Variants in SRGAP3 observed in about 807,000 individuals in gnomAD.
The protein encoded by SRGAP3 is SLIT-ROBO Rho GTPase activating protein 3, also known as SLIT-ROBO Rho GTPase-activating protein 3.
Under a neutral mutation model 121.1 loss-of-function variants are expected in SRGAP3, and 39 were observed. The observed-to-expected ratio is 0.32, with a 90% confidence interval of 0.25 to 0.42. The LOEUF is 0.42. SRGAP3 is among the 10% of genes least tolerant of loss of function. The probability of loss-of-function intolerance (pLI) is 1.00; values close to 1 mark genes in which losing one functional copy is unlikely to be tolerated. For synonymous variants in SRGAP3, 601 were observed against 570.0 expected, an observed-to-expected ratio of 1.05 and a Z score of -0.77; for missense variants, 1,213 against 1,470.6, an observed-to-expected ratio of 0.82 and a Z score of 2.86.
At chr3:9,038,736 A>G (rs1944887907) in intron 10 of SRGAP3, among the ~76,000 whole-genome samples, 3 of 152,166 alleles carry the variant, frequency 2.0e-5, no homozygotes, top group African/African-American at 7.2e-5. Flanking sequence ...CCTGCCAGAC[A>G]AAGCCCAGAC....
At chr3:9,311,645 C>G (rs541668907) in intron 3 of SRGAP3, among the ~76,000 whole-genome samples, 1 of 152,314 alleles carries the variant, frequency 6.6e-6, no homozygotes, top group East Asian at 1.9e-4. Flanking sequence ...TGTTATTCTT[C>G]CTTCGACTTT....
intron 1 of SRGAP3, among the ~76,000 whole-genome samples, chr3:9,202,617 C>T (rs915908532): frequency 6.6e-6 from 1 of 152,180 alleles, no homozygotes; most frequent in Admixed American, 6.5e-5. Context: ...GCCCCACCCT[C>T]GAGCCCCCTC....
chr3:9,144,795 C>T (rs1355897679), intron 1 of SRGAP3, among the ~76,000 whole-genome samples: 1 of 152,214 alleles, frequency 6.6e-6, no homozygotes, highest in African/African-American at 2.4e-5. Flanking sequence ...TGAAAACAGA[C>T]TAATACACCT....
intron 1 of SRGAP3, among the ~76,000 whole-genome samples, chr3:9,222,261 C>T (rs1952839558): frequency 6.6e-6 from 1 of 152,186 alleles, no homozygotes; most frequent in African/African-American, 2.4e-5. Context: ...GTTGAAGTAC[C>T]AGAAATGACT....
chr3:9,186,976 A>G (rs557728382), intron 1 of SRGAP3, among the ~76,000 whole-genome samples: 3 of 152,132 alleles, frequency 2.0e-5, no homozygotes, highest in African/African-American at 7.2e-5. Flanking sequence ...AATTTTTTTT[A>G]TTATACTTTA....
chr3:9,291,975 T>A (rs1417046936), intron 3 of SRGAP3, among the ~76,000 whole-genome samples: 4 of 152,176 alleles, frequency 2.6e-5, no homozygotes, highest in Non-Finnish European at 4.4e-5. Flanking sequence ...GAGATGTGGC[T>A]GTTTCTCATT....
chr3:9,206,988 T>G (rs1952288060), intron 1 of SRGAP3, among the ~76,000 whole-genome samples: 2 of 152,196 alleles, frequency 1.3e-5, no homozygotes, highest in African/African-American at 2.4e-5. Context: ...CAGTAAAGAT[T>G]TGCTGAATGA....
intron 3 of SRGAP3, among the ~76,000 whole-genome samples, chr3:9,281,078 C>T (rs1013683183): frequency 6.6e-6 from 1 of 152,170 alleles, no homozygotes; most frequent in African/African-American, 2.4e-5. Context: ...TGCTATCTCG[C>T]CTCTCCACAC....
chr3:9,043,360 C>G (rs1945110298), intron 10 of SRGAP3, among the ~76,000 whole-genome samples: 1 of 152,180 alleles, frequency 6.6e-6, no homozygotes, highest in Non-Finnish European at 1.5e-5. Flanking sequence ...CGTTTGAGGT[C>G]TCTCTTTTCC....
intron 1 of SRGAP3, among the ~76,000 whole-genome samples, chr3:9,208,950 A>G (rs1313758820): frequency 6.6e-6 from 1 of 152,270 alleles, no homozygotes; most frequent in African/African-American, 2.4e-5. Context: ...AGGGGCCAGA[A>G]GGCCCCAAAA....
At chr3:9,194,531 G>T (rs1951861933) in intron 1 of SRGAP3, 2 of 152,206 alleles carry the variant, frequency 1.3e-5, no homozygotes, top group Admixed American at 1.3e-4. Context: ...GTGAGACATG[G>T]TTTCTGTACT....
chr3:9,023,892 A>G (rs770667612), intron 14 of SRGAP3, among the ~76,000 whole-genome samples: 1 of 152,092 alleles, frequency 6.6e-6, no homozygotes, highest in African/African-American at 2.4e-5. Context: ...TTGTCTACAG[A>G]TGGTTCCAAG....
At chr3:9,230,649 T>C (rs1953168419) in intron 1 of SRGAP3, among the ~76,000 whole-genome samples, 1 of 152,060 alleles carries the variant, frequency 6.6e-6, no homozygotes, top group South Asian at 2.1e-4. Flanking sequence ...GGCAGGAGGA[T>C]CGCTTGTGCC....
chr3:9,036,972 T>TA (rs1193131934), intron 11 of SRGAP3: 16 of 152,202 alleles, frequency 1.1e-4, no homozygotes, highest in African/African-American at 3.9e-4. Flanking sequence ...GGAACAGCTG[T>TA]ACGGGCTGAA....
rs1574844365 is a variant in SRGAP3 at position 8,985,317 on chromosome 3, C to T, written c.*202G>A. ...CAGCACTCCTCTGGTCGTCTGTTGA[C>T]ACGCGAGAGGTCCGTGGGATTCCCA... On this transcript the variant is annotated 3_prime_UTR_variant, in exon 22 of 22. Transcript: ENST00000383836. The surrounding 1 kb of genome is among the most constrained non-coding windows in gnomAD (Gnocchi z 5.1). The T allele has an allele frequency of 2.5e-6, 3 of 1,182,434 alleles. No individual in the cohort carries two copies. The East Asian group carries it at 8.4e-5, about 33-fold the overall frequency. The allele number at this position is 1,182,434 out of a possible 1,614,324, so 73.2% of individuals were successfully genotyped here. A position where few individuals can be genotyped will look rare whatever the true frequency, so the allele number is the denominator to read the frequency against.
intron 1 of SRGAP3, among the ~76,000 whole-genome samples, chr3:9,248,141 A>T (rs1243496575): frequency 2.6e-5 from 4 of 152,258 alleles, no homozygotes; most frequent in Non-Finnish European, 5.9e-5. Flanking sequence ...CCCGGAAGCC[A>T]GGCAGCGCTG....
intron 4 of SRGAP3, among the ~76,000 whole-genome samples, chr3:9,068,533 G>C (rs78386159): frequency 0.015 from 2,282 of 152,120 alleles, 50 homozygotes; most frequent in African/African-American, 0.052. Context: ...CTGATTCCAA[G>C]AATAACAGTG....
At chr3:9,178,276 A>G (rs549371567) in intron 1 of SRGAP3, among the ~76,000 whole-genome samples, 1 of 152,142 alleles carries the variant, frequency 6.6e-6, no homozygotes, top group South Asian at 2.1e-4. Flanking sequence ...CAAAAAAAAT[A>G]AAAATAAAAA....
At position 8,985,531 on chromosome 3, in the gene SRGAP3, C is replaced by A. The variant is rs1411300283; in HGVS notation, c.3288G>T (p.Ser1096=). 2 of 1,598,870 alleles carry A rather than the reference C, an allele frequency of 1.3e-6. No homozygotes were observed. Among genetic ancestry groups the A allele is most frequent in the Non-Finnish European group, 1.7e-6 (2 of 1,179,454 alleles). The stretch of plus-strand genomic sequence containing the variant: ...CCCATCCTGCAGGTCACATGGTGCC[C>A]GACTTGTCCGCTGAGCTGTTGGGGA... ...KMFPNSSADK[S]GTM is the part of the protein sequence containing the mutation. The change falls in exon 22 of 22, where the codon TCG becomes TCT. Residue 1096 remains serine, a synonymous_variant. Transcript: ENST00000383836. The surrounding 1 kb of genome is among the most constrained non-coding windows in gnomAD (Gnocchi z 5.1).
Sources: allele counts gnomAD v4.1 joint callset (sites outside exome capture counted in the v4.1 genomes callset), GRCh38; gene constraint gnomAD v4.1.1; non-coding constraint Gnocchi (gnomAD v3.1); transcripts MANE v1.5; gene names NCBI Gene and HGNC (gene_info 2026-07-23, HGNC 2026-07-21).